The following CAMTA1 variants were observed in gnomAD, a reference collection of about 807,000 sequenced individuals.
The protein encoded by CAMTA1 is calmodulin binding transcription activator 1.
A neutral mutation model predicts 170.9 loss-of-function variants in CAMTA1; 27 were observed. The ratio of observed to expected loss-of-function variants is 0.16; its 90% CI spans 0.12 to 0.22. The LOEUF is 0.22. CAMTA1 is among the 10% of genes least tolerant of loss of function. CAMTA1 has a pLI of 1.00. For synonymous variants in CAMTA1, 833 were observed against 891.5 expected (o/e 0.93, Z 1.17); for missense variants, 1,619 against 2,217.2 (o/e 0.73, Z 5.42).
At chr1:6,878,561 C>T (rs1207606790) in intron 3 of CAMTA1, among the ~76,000 whole-genome samples, 1 of 152,216 alleles carries the variant, frequency 6.6e-6, no homozygotes, top group Non-Finnish European at 1.5e-5. Context: ...TCACAGTGAC[C>T]TTAATGGTCA....
chr1:7,074,171 T>C (rs1251068663), intron 3 of CAMTA1, among the ~76,000 whole-genome samples: 1 of 152,142 alleles, frequency 6.6e-6, no homozygotes, highest in Non-Finnish European at 1.5e-5. Context: ...AATTCCCCAT[T>C]TTGGCAGTTG....
Position 7,748,613 on chromosome 1 carries a change from G to T in CAMTA1, c.4689+832G>T, listed in dbSNP as rs2096874421. Among the ~76,000 whole-genome samples, 1 of 152,202 alleles carries T rather than the reference G, an allele frequency of 6.6e-6. No individual in the cohort carries two copies. The highest frequency in any genetic ancestry group is 2.4e-5 in the African/African-American group (1 of 41,452). ...TCCAGGGTGTGATACCGTGATTGGA[G>T]AAAGTAAATGCTGGCTATTTATTAC... On this transcript the variant is annotated intron_variant, in intron 19 of 22. Coordinates refer to ENST00000303635, the MANE Select transcript of CAMTA1 (RefSeq NM_015215.4). This position sits in a 1 kb window ranked among gnomAD's most constrained non-coding sequence, Gnocchi z 4.7.
intron 3 of CAMTA1, among the ~76,000 whole-genome samples, chr1:6,937,463 TACC>T (rs1196365242): frequency 6.7e-5 from 8 of 118,808 alleles, no homozygotes; most frequent in Middle Eastern, 7.7e-3. Context: ...ATTCACCACT[TACC>T]ACCACCATCA....
rs1430663489 is a variant in CAMTA1 at position 7,681,223 on chromosome 1, G to A, written c.2914+3490G>A. 6.6e-6 allele frequency among the ~76,000 whole-genome samples: 1 copy of A among 152,212 alleles called. No homozygotes were observed. The highest frequency in any genetic ancestry group is 1.5e-5 in the Non-Finnish European group (1 of 68,036). On this transcript the variant is annotated intron_variant, in intron 11 of 22. Coordinates refer to ENST00000303635, the MANE Select transcript of CAMTA1 (RefSeq NM_015215.4). This position sits in a 1 kb window ranked among gnomAD's most constrained non-coding sequence, Gnocchi z 4.6. ...ACCCCCATCACTTAGCCCAGGGTTG[G>A]CACGTGGTGGGCTGCAGTACATATT...
intron 4 of CAMTA1, among the ~76,000 whole-genome samples, chr1:7,204,766 C>CTAT (rs1465806188): frequency 4.2e-4 from 61 of 145,724 alleles, no homozygotes; most frequent in African/African-American, 1.0e-3. Context: ...TCTCCAAATA[C>CTAT]TATTATTATT....
intron 5 of CAMTA1, among the ~76,000 whole-genome samples, chr1:7,319,767 G>C (rs1678088075): frequency 6.6e-6 from 1 of 152,116 alleles, no homozygotes; most frequent in African/African-American, 2.4e-5. Flanking sequence ...TAAAGTCCTT[G>C]CTCTCAATGA....
Position 7,680,872 on chromosome 1 carries a change from A to AGCAGCAGCTGCAGCAGCAGCTGCT in CAMTA1, c.2914+3147_2914+3148insTGCAGCAGCAGCTGCTGCAGCAGC, listed in dbSNP as rs2096194221. Among the ~76,000 whole-genome samples the AGCAGCAGCTGCAGCAGCAGCTGCT allele has an allele frequency of 3.4e-5, 5 of 146,262 alleles. No individual in the cohort carries two copies. The highest frequency in any genetic ancestry group is 1.3e-4 in the Admixed American group (2 of 14,818). ...CGCGCGCGCGCGCGCCAGCAGCAGC[A>AGCAGCAGCTGCAGCAGCAGCTGCT]GCAGCAGCAGCTGCTGCGGCGAAGT... On this transcript the variant is annotated intron_variant, in intron 11 of 22. Coordinates refer to ENST00000303635, the MANE Select transcript of CAMTA1 (RefSeq NM_015215.4). The surrounding 1 kb of genome is among the most constrained non-coding windows in gnomAD (Gnocchi z 4.4).
intron 5 of CAMTA1, among the ~76,000 whole-genome samples, chr1:7,292,482 C>T (rs1308354007): frequency 6.6e-6 from 1 of 152,122 alleles, no homozygotes; most frequent in Non-Finnish European, 1.5e-5. Context: ...AACCTTTGCT[C>T]CCCCAGCCTC....
intron 6 of CAMTA1, among the ~76,000 whole-genome samples, chr1:7,617,057 G>C (rs1158619373): frequency 6.6e-6 from 1 of 152,186 alleles, no homozygotes; most frequent in Non-Finnish European, 1.5e-5. Flanking sequence ...TGCTCTTTCT[G>C]TTCTATAAAT....
intron 3 of CAMTA1, among the ~76,000 whole-genome samples, chr1:6,901,648 A>G (rs1363051882): frequency 6.6e-6 from 1 of 152,252 alleles, no homozygotes; most frequent in African/African-American, 2.4e-5. Context: ...AAATGAAACT[A>G]AAAACCACAA....
chr1:7,017,346 T>C (rs1700709010), intron 3 of CAMTA1, among the ~76,000 whole-genome samples: 1 of 152,242 alleles, frequency 6.6e-6, no homozygotes, highest in Non-Finnish European at 1.5e-5. Flanking sequence ...GTTTCTGTAG[T>C]CTCTTCAAGC....
At chr1:6,819,896 G>C (rs1646290697) in intron 1 of CAMTA1, among the ~76,000 whole-genome samples, 1 of 152,210 alleles carries the variant, frequency 6.6e-6, no homozygotes, top group Non-Finnish European at 1.5e-5. Context: ...AGTTGATCCA[G>C]CAATGGCCTT....
At chr1:7,671,670 T>C (rs4908473) in intron 10 of CAMTA1, among the ~76,000 whole-genome samples, 20,583 of 152,178 alleles carry the variant, frequency 0.14, 1,812 homozygotes, top group East Asian at 0.26. Context: ...AAAAGGTGCA[T>C]ATAATTTGCT....
intron 1 of CAMTA1, among the ~76,000 whole-genome samples, chr1:6,811,454 C>T (rs1174168392): frequency 6.6e-6 from 1 of 152,140 alleles, no homozygotes; most frequent in Admixed American, 6.5e-5. Context: ...CCCCAAACTG[C>T]TATACCTTTC....
At chr1:7,743,596 C>G (rs2096833775) in intron 16 of CAMTA1, among the ~76,000 whole-genome samples, 1 of 152,032 alleles carries the variant, frequency 6.6e-6, no homozygotes, top group Non-Finnish European at 1.5e-5. Flanking sequence ...GCGGCTGTTT[C>G]CACTTAGCAG....
At chr1:7,734,466 C>G (rs2096756453) in intron 12 of CAMTA1, among the ~76,000 whole-genome samples, 1 of 152,134 alleles carries the variant, frequency 6.6e-6, no homozygotes, top group East Asian at 1.9e-4. Context: ...AATATCCTTT[C>G]ATCAGTTTAA....
At chr1:7,704,007 C>T (rs911508628) in intron 11 of CAMTA1, among the ~76,000 whole-genome samples, 1 of 151,980 alleles carries the variant, frequency 6.6e-6, no homozygotes, top group Non-Finnish European at 1.5e-5. Context: ...CTCCCCAAAG[C>T]CGGAGCCGCC....
At position 6,976,200 on chromosome 1, in the gene CAMTA1, C is replaced by T. The variant is rs371296367; in HGVS notation, c.235-115104C>T. On this transcript the variant is annotated intron_variant, in intron 3 of 22. Transcript: ENST00000303635. Reference sequence around the variant, plus strand: ...GAGGCCCCGCTGAGTCTTTCTTGGGCTTCTTGGAAGAAGGCCACAAAGGTC... The same window carrying T: ...GAGGCCCCGCTGAGTCTTTCTTGGGTTTCTTGGAAGAAGGCCACAAAGGTC... Among the ~76,000 whole-genome samples, 10 of 152,330 alleles carry T rather than the reference C, an allele frequency of 6.6e-5. No homozygotes were observed. The South Asian group carries it at 2.1e-3, about 32-fold the overall frequency.
chr1:7,185,623 C>G (rs980219402), intron 4 of CAMTA1, among the ~76,000 whole-genome samples: 1 of 152,186 alleles, frequency 6.6e-6, no homozygotes, highest in African/African-American at 2.4e-5. Context: ...AGAAATATAG[C>G]AGACACTACC....
Sources: allele counts gnomAD v4.1 joint callset (sites outside exome capture counted in the v4.1 genomes callset), GRCh38; gene constraint gnomAD v4.1.1; non-coding constraint Gnocchi (gnomAD v3.1); transcripts MANE v1.5; gene names NCBI Gene and HGNC (gene_info 2026-07-23, HGNC 2026-07-21).